GRIN3A: variants seen among roughly 807,000 people sequenced by gnomAD.
GRIN3A encodes glutamate ionotropic receptor NMDA type subunit 3A.
A neutral mutation model predicts 92.4 loss-of-function variants in GRIN3A; 47 were observed. That is an observed-to-expected ratio of 0.51 (90% CI 0.40 to 0.65). The LOEUF (loss-of-function observed/expected upper bound fraction) is 0.65. Ranked by LOEUF, GRIN3A falls within the 30% of genes least tolerant of loss-of-function variation. The pLI, the probability that GRIN3A is intolerant of heterozygous loss-of-function variation, is 0.00. For missense variants in GRIN3A, 1,324 were observed against 1,393.1 expected (o/e 0.95, Z 0.79); for synonymous variants, 527 against 540.6 (o/e 0.97, Z 0.35).
At chr9:101,591,215 A>G (rs761992871) in intron 6 of GRIN3A, among the ~76,000 whole-genome samples, 1 of 152,214 alleles carries the variant, frequency 6.6e-6, no homozygotes, top group African/African-American at 2.4e-5. Context: ...CTCGTCTAAC[A>G]TATCTGTTTC....
intron 3 of GRIN3A, among the ~76,000 whole-genome samples, chr9:101,641,537 AC>A (rs1828863284): frequency 6.6e-6 from 1 of 151,780 alleles, no homozygotes; most frequent in African/African-American, 2.4e-5. Flanking sequence ...AGAACAAAAA[AC>A]CAAACACTGC....
At chr9:101,687,342 A>C in intron 1 of GRIN3A, 142 bp from the exon 2 acceptor site, 1 of 816,894 alleles carries the variant, frequency 1.2e-6, no homozygotes, top group Non-Finnish European at 2.0e-6. Flanking sequence ...CATAGTTTGG[A>C]AAACTATGCT....
chr9:101,653,750 A>G (rs1238057439), intron 3 of GRIN3A, among the ~76,000 whole-genome samples: 2 of 151,824 alleles, frequency 1.3e-5, no homozygotes, highest in African/African-American at 4.8e-5. Context: ...ACAATTTGAT[A>G]TTCTGAAACA....
chr9:101,728,870 A>G (rs1006801438), intron 1 of GRIN3A, among the ~76,000 whole-genome samples: 1 of 152,180 alleles, frequency 6.6e-6, no homozygotes, highest in Non-Finnish European at 1.5e-5. Flanking sequence ...ATTTTGCTTC[A>G]TGAGGTGTCC....
intron 2 of GRIN3A, among the ~76,000 whole-genome samples, chr9:101,681,283 T>A (rs12346815): frequency 2.6e-5 from 4 of 152,208 alleles, no homozygotes; most frequent in Non-Finnish European, 5.9e-5. Flanking sequence ...TTAAAAAAAA[T>A]TACTTGCAAA....
At chr9:101,704,728 G>A (rs1829792227) in intron 1 of GRIN3A, among the ~76,000 whole-genome samples, 1 of 152,162 alleles carries the variant, frequency 6.6e-6, no homozygotes, top group South Asian at 2.1e-4. Context: ...AGTGTTCTGA[G>A]CATGTTTAAC....
intron 6 of GRIN3A, among the ~76,000 whole-genome samples, chr9:101,610,450 A>G (rs750550026): frequency 6.6e-6 from 1 of 152,202 alleles, no homozygotes; most frequent in Admixed American, 6.5e-5. Context: ...AGAACTAAAT[A>G]TAGGTTAACT....
At chr9:101,669,851 CA>C (rs1829293717) in intron 3 of GRIN3A, among the ~76,000 whole-genome samples, 1 of 152,036 alleles carries the variant, frequency 6.6e-6, no homozygotes, top group Non-Finnish European at 1.5e-5. Context: ...AGACACTCCC[CA>C]AAACTTCTCA....
intron 6 of GRIN3A, among the ~76,000 whole-genome samples, chr9:101,610,728 T>C (rs1363804129): frequency 1.3e-5 from 2 of 152,088 alleles, no homozygotes; most frequent in Non-Finnish European, 2.9e-5. Flanking sequence ...AGATTTCAGT[T>C]GGGAGTTTAT....
chr9:101,634,511 GCTA>G (rs1160510178), intron 3 of GRIN3A, among the ~76,000 whole-genome samples: 1 of 151,378 alleles, frequency 6.6e-6, no homozygotes, highest in Non-Finnish European at 1.5e-5. Flanking sequence ...TAATGAGATT[GCTA>G]CTTTTATTAT....
chr9:101,661,132 G>T (rs953119214), intron 3 of GRIN3A, among the ~76,000 whole-genome samples: 2 of 151,824 alleles, frequency 1.3e-5, no homozygotes, highest in African/African-American at 2.4e-5. Context: ...ATTTTTGTGT[G>T]GGAGTGGTAC....
At chr9:101,676,521 T>C (rs1829397726) in intron 2 of GRIN3A, among the ~76,000 whole-genome samples, 1 of 151,996 alleles carries the variant, frequency 6.6e-6, no homozygotes, top group East Asian at 1.9e-4. Context: ...CCCCGAGGAA[T>C]GAGGGATTTA....
chr9:101,719,587 C>A (rs1829987058), intron 1 of GRIN3A, among the ~76,000 whole-genome samples: 1 of 152,040 alleles, frequency 6.6e-6, no homozygotes, highest in African/African-American at 2.4e-5. Context: ...AGTTACTTCC[C>A]CCTCTCATTC....
At chr9:101,687,238 A>G in intron 1 of GRIN3A, 38 bp from the exon 2 acceptor site, 1 of 1,610,470 alleles carries the variant, frequency 6.2e-7, no homozygotes, top group African/African-American at 1.3e-5. Context: ...ATTAGAAAGC[A>G]TTGGCCAAAG....
At chr9:101,721,239 T>C (rs1162673787) in intron 1 of GRIN3A, among the ~76,000 whole-genome samples, 3 of 152,080 alleles carry the variant, frequency 2.0e-5, no homozygotes, top group African/African-American at 7.2e-5. Context: ...ATCTGATGAG[T>C]TTATCAGGGG....
intron 3 of GRIN3A, among the ~76,000 whole-genome samples, chr9:101,647,627 G>A (rs556163979): frequency 6.6e-6 from 1 of 151,826 alleles, no homozygotes. Context: ...CAGCTCCTGG[G>A]CTTTTCTTTG....
At chr9:101,724,390 G>A (rs1383229419) in intron 1 of GRIN3A, among the ~76,000 whole-genome samples, 1 of 152,126 alleles carries the variant, frequency 6.6e-6, no homozygotes, top group Non-Finnish European at 1.5e-5. Context: ...GGGCCGGCAG[G>A]GCCGGCCCGC....
In GRIN3A at chr9:101,670,850, A is replaced by C; in HGVS notation, c.1562T>G (p.Ile521Ser). 1 of 1,613,918 alleles carries C rather than the reference A, an allele frequency of 6.2e-7. No homozygotes were observed. The highest frequency in any genetic ancestry group is 2.2e-5 in the East Asian group (1 of 44,846). Residue 521 changes from isoleucine (I) to serine (S), a missense_variant, in exon 3 of 9, where the codon ATT (isoleucine) becomes AGT (serine). Coordinates refer to ENST00000361820, the MANE Select transcript of GRIN3A (RefSeq NM_133445.3). ...CCTTGTGAAGACAAAAGGATGCTCA[A>C]TCAGGGTAACCACTCTCAAGTGTAG... is the stretch of plus-strand genomic sequence containing the variant. ...SKLHLRVVTL[I>S]EHPFVFTREV...
At chr9:101,581,007 A>G (rs1490610043) in intron 6 of GRIN3A, among the ~76,000 whole-genome samples, 1 of 152,254 alleles carries the variant, frequency 6.6e-6, no homozygotes, top group Non-Finnish European at 1.5e-5. Flanking sequence ...ACAAGAGTCA[A>G]TCCCGTAGAA....
Sources: allele counts gnomAD v4.1 joint callset (sites outside exome capture counted in the v4.1 genomes callset), GRCh38; gene constraint gnomAD v4.1.1; transcripts MANE v1.5; gene names NCBI Gene and HGNC (gene_info 2026-07-23, HGNC 2026-07-21).